The following STIM1 variants were observed in gnomAD, a reference collection of about 807,000 sequenced individuals.
The protein encoded by STIM1 is stromal interaction molecule 1.
A neutral mutation model predicts 74.7 loss-of-function variants in STIM1; 25 were observed. The ratio of observed to expected loss-of-function variants is 0.33; its 90% CI spans 0.24 to 0.47. STIM1 has a LOEUF of 0.47. Ranked by LOEUF, STIM1 falls within the 20% of genes least tolerant of loss-of-function variation. The pLI is 1.00. For missense variants in STIM1, 728 were observed against 920.8 expected (o/e 0.79, Z 2.71); for synonymous variants, 328 against 348.8 (o/e 0.94, Z 0.66).
At chr11:4,067,483 A>T (rs968281270) in intron 5 of STIM1, among the ~76,000 whole-genome samples, 2 of 152,238 alleles carry the variant, frequency 1.3e-5, no homozygotes, top group African/African-American at 2.4e-5. Flanking sequence ...GATCAGGGCC[A>T]TATTAGACAT....
At chr11:4,070,921 A>G (rs1420805748) in intron 6 of STIM1, among the ~76,000 whole-genome samples, 1 of 152,230 alleles carries the variant, frequency 6.6e-6, no homozygotes, top group Admixed American at 6.5e-5. Context: ...GTCCTGAGAA[A>G]AAAAACTTAC....
intron 1 of STIM1, among the ~76,000 whole-genome samples, chr11:3,876,608 T>G (rs894495386): frequency 1.2e-4 from 18 of 152,112 alleles, no homozygotes; most frequent in Non-Finnish European, 2.4e-4. Context: ...AGGGTTTCAC[T>G]GTGTTGCCCA....
chr11:3,922,960 A>G (rs562936982), intron 1 of STIM1, among the ~76,000 whole-genome samples: 1 of 152,048 alleles, frequency 6.6e-6, no homozygotes, highest in African/African-American at 2.4e-5. Flanking sequence ...TTAGCCAGGC[A>G]TGGTAGCGGG....
At chr11:3,933,008 CCT>C (rs1162260729) in intron 1 of STIM1, among the ~76,000 whole-genome samples, 1 of 152,166 alleles carries the variant, frequency 6.6e-6, no homozygotes, top group Non-Finnish European at 1.5e-5. Flanking sequence ...GGTGAAGTTG[CCT>C]CTGTTTTCAG....
chr11:3,913,124 T>C (rs2092591618), intron 1 of STIM1, among the ~76,000 whole-genome samples: 2 of 152,198 alleles, frequency 1.3e-5, no homozygotes, highest in South Asian at 4.1e-4. Context: ...GTCTCTTAGT[T>C]ACAGCAGCTT....
chr11:3,907,379 CATTTTAG>C (rs1474245977), intron 1 of STIM1, among the ~76,000 whole-genome samples: 2 of 152,186 alleles, frequency 1.3e-5, no homozygotes, highest in African/African-American at 4.8e-5. Flanking sequence ...TCTTAATTAA[CATTTTAG>C]ATATCTAATA....
rs1184041300 is a variant in STIM1 at position 4,093,036 on chromosome 11, C to T, written c.*1238C>T. 1 of 148,466 alleles carries T rather than the reference C, an allele frequency of 6.7e-6. No homozygotes were observed. Among genetic ancestry groups the T allele is most frequent in the Non-Finnish European group, 1.5e-5 (1 of 66,866 alleles). 9.2% of individuals were successfully genotyped at this position (148,466 alleles called of 1,614,324 possible). On this transcript the variant is annotated 3_prime_UTR_variant, in exon 13 of 13. Coordinates refer to ENST00000526596, the MANE Select transcript of STIM1 (RefSeq NM_001382567.1). ...TTCCTCTGCCCCACTCCCTGCCATA[C>T]CTTTATCCTGGGATCCTATTTTGGG... is the stretch of plus-strand genomic sequence containing the variant.
At chr11:3,976,170 G>A (rs1404481715) in intron 2 of STIM1, among the ~76,000 whole-genome samples, 1 of 152,094 alleles carries the variant, frequency 6.6e-6, no homozygotes, top group Non-Finnish European at 1.5e-5. Flanking sequence ...ACACCTGTGG[G>A]GAAAAGCAAA....
Position 4,093,008 on chromosome 11 carries a change from T to C in STIM1, c.*1210T>C, listed in dbSNP as rs202059202. On this transcript the variant is annotated 3_prime_UTR_variant, in exon 13 of 13. Transcript: ENST00000526596. ...TGTTTTTGCTATGGCTGTAAAGGTA[T>C]TTTTCCTCTGCCCCACTCCCTGCCA... The C allele has an allele frequency of 1.3e-5, 2 of 151,976 alleles. No homozygotes were observed. Among genetic ancestry groups the C allele is most frequent in the Non-Finnish European group, 2.9e-5 (2 of 67,968 alleles). The allele number at this position is 151,976 out of a possible 1,614,324, so 9.4% of individuals were successfully genotyped here.
intron 1 of STIM1, among the ~76,000 whole-genome samples, chr11:3,949,828 T>A (rs993933905): frequency 1.3e-5 from 2 of 152,218 alleles, no homozygotes; most frequent in Admixed American, 1.3e-4. Context: ...TTGACATTGA[T>A]AAAATCCACC....
At chr11:3,970,283 C>G (rs148743436) in intron 2 of STIM1, among the ~76,000 whole-genome samples, 130 of 152,320 alleles carry the variant, frequency 8.5e-4, no homozygotes, top group African/African-American at 2.9e-3. Flanking sequence ...TTGGTTTCCA[C>G]TGCTCTCCCT....
At chr11:3,981,170 C>T (rs1332690750) in intron 2 of STIM1, among the ~76,000 whole-genome samples, 1 of 152,134 alleles carries the variant, frequency 6.6e-6, no homozygotes, top group African/African-American at 2.4e-5. Context: ...CCTTGTGATC[C>T]ATCTGCCTCG....
rs1038392859 is a variant in STIM1, at chr11:4,082,224, C to G, written c.1010C>G (p.Ser337Cys). The change falls in exon 8 of 13, where the codon TCT becomes TGT. Residue 337 changes from serine to cysteine, a missense_variant. Ser to Cys is a moderately radical substitution (Grantham distance 112, BLOSUM62 -1). This residue lies in a region of STIM1 where 131 missense variants were observed against 235.9 expected (regional missense o/e 0.56). Coordinates refer to ENST00000526596, the MANE Select transcript of STIM1 (RefSeq NM_001382567.1). ...ALRKAEKELE[S>C]HSSWYAPEAL... ...AGGAAAGCAGAGAAGGAGCTAGAAT[C>G]TCACAGCTCATGGTATGCTCCAGAG... 6.2e-7 allele frequency: 1 copy of G among 1,613,956 alleles called. No individual in the cohort carries two copies. The highest frequency in any genetic ancestry group is 8.5e-7 in the Non-Finnish European group (1 of 1,180,048).
At chr11:3,873,277 G>T (rs546129178) in intron 1 of STIM1, among the ~76,000 whole-genome samples, 22 of 152,122 alleles carry the variant, frequency 1.4e-4, no homozygotes, top group Middle Eastern at 3.4e-3. Flanking sequence ...AATTAGCTGA[G>T]CGTGGTGGCG....
intron 1 of STIM1, among the ~76,000 whole-genome samples, chr11:3,930,417 G>A (rs572957808): frequency 1.1e-4 from 17 of 152,276 alleles, no homozygotes; most frequent in African/African-American, 3.9e-4. Flanking sequence ...ATTGGGCTAG[G>A]ATAATTTAAC....
intron 1 of STIM1, among the ~76,000 whole-genome samples, chr11:3,897,674 C>T (rs2092226155): frequency 6.6e-6 from 1 of 152,046 alleles, no homozygotes; most frequent in African/African-American, 2.4e-5. Context: ...CCACGCCCAC[C>T]CCACAACAGT....
intron 3 of STIM1, among the ~76,000 whole-genome samples, chr11:4,042,751 G>C (rs904795747): frequency 6.6e-6 from 1 of 152,026 alleles, no homozygotes; most frequent in African/African-American, 2.4e-5. Context: ...CTTTCTTCTG[G>C]CAGATCTGCA....
At chr11:3,905,334 A>G (rs946596293) in intron 1 of STIM1, among the ~76,000 whole-genome samples, 44 of 151,560 alleles carry the variant, frequency 2.9e-4, no homozygotes, top group African/African-American at 1.1e-3. Context: ...AGAGGGTGGT[A>G]TTTTGAAGAG....
At chr11:4,011,501 C>T (rs2093835737) in intron 2 of STIM1, among the ~76,000 whole-genome samples, 1 of 152,096 alleles carries the variant, frequency 6.6e-6, no homozygotes, top group African/African-American at 2.4e-5. Flanking sequence ...TTTCATGTGT[C>T]TGTTGGCTGC....
Sources: allele counts gnomAD v4.1 joint callset (sites outside exome capture counted in the v4.1 genomes callset), GRCh38; gene constraint gnomAD v4.1.1; regional missense constraint gnomAD v4.1.1; transcripts MANE v1.5; gene names NCBI Gene and HGNC (gene_info 2026-07-23, HGNC 2026-07-21).